The following TTC23L variants were observed in gnomAD, a reference collection of about 807,000 sequenced individuals.
The protein encoded by TTC23L is tetratricopeptide repeat domain 23 like, also known as tetratricopeptide repeat protein 23-like.
TTC23L carries 42 observed loss-of-function variants against 48.1 expected under a neutral mutation model. The observed-to-expected ratio is 0.87, with a 90% CI of 0.68 to 1.13. The LOEUF (loss-of-function observed/expected upper bound fraction) is 1.13, where lower values mean the gene tolerates loss of function less well. Among genes scored for constraint, TTC23L ranks in the 50% most tolerant of loss-of-function variants. TTC23L has a pLI of 0.00. For synonymous variants in TTC23L, 159 were observed against 157.2 expected, an observed-to-expected ratio of 1.01 and a Z score of -0.09; for missense variants, 391 against 421.0, an observed-to-expected ratio of 0.93 and a Z score of 0.62.
intron 9 of TTC23L, among the ~76,000 whole-genome samples, chr5:34,895,571 A>G (rs1021569731): frequency 3.3e-5 from 5 of 152,216 alleles, no homozygotes; most frequent in African/African-American, 1.2e-4. Context: ...CAACAGAAGG[A>G]GCAGGGAGAA....
downstream of TTC23L, among the ~76,000 whole-genome samples, chr5:34,900,488 G>A (rs1402484901): frequency 6.7e-6 from 1 of 149,866 alleles, no homozygotes; most frequent in African/African-American, 2.5e-5. Context: ...ATGAGAAAGT[G>A]AGACCCTGTT....
chr5:34,910,714 C>T, the TTC23L span, among the ~76,000 whole-genome samples: 11 of 152,288 alleles, frequency 7.2e-5, no homozygotes, highest in Admixed American at 2.6e-4. Context: ...AGGTGTCTGC[C>T]ACAGCACTTT....
intron 9 of TTC23L, among the ~76,000 whole-genome samples, 192 bp downstream of exon 9, chr5:34,880,500 A>G (rs1292958871): frequency 2.0e-5 from 3 of 152,202 alleles, no homozygotes; most frequent in Non-Finnish European, 4.4e-5. Context: ...TCTTTTGATG[A>G]AACTGAGCAA....
chr5:34,869,113 T>A, intron 8 of TTC23L, 100 bp downstream of exon 8: 1 of 983,900 alleles, frequency 1.0e-6, no homozygotes, highest in Non-Finnish European at 1.5e-6. Flanking sequence ...TTTATTCCTG[T>A]AATGGAAAAA....
the TTC23L span, chr5:34,915,734 GC>G: frequency 1.3e-6 from 2 of 1,597,450 alleles, no homozygotes; most frequent in African/African-American, 2.7e-5. Flanking sequence ...GGGCGGCGAG[GC>G]AAGATGGCGG....
chr5:34,897,583 A>C (rs1329978032), intron 10 of TTC23L, among the ~76,000 whole-genome samples: 1 of 152,064 alleles, frequency 6.6e-6, no homozygotes, highest in African/African-American at 2.4e-5. Flanking sequence ...TCAGCCTCTC[A>C]AAGTCCTGGG....
At chr5:34,923,830 G>A in the TTC23L span, among the ~76,000 whole-genome samples, 4 of 152,148 alleles carry the variant, frequency 2.6e-5, no homozygotes, top group African/African-American at 4.8e-5. Context: ...ACTATGTACT[G>A]TCTTATATCT....
the TTC23L span, among the ~76,000 whole-genome samples, chr5:34,924,320 C>G: frequency 6.6e-6 from 1 of 152,190 alleles, no homozygotes; most frequent in African/African-American, 2.4e-5. Flanking sequence ...ACACATCATC[C>G]TAACCTCTGA....
At chr5:34,841,430 CAA>C (rs369084905) in intron 2 of TTC23L, among the ~76,000 whole-genome samples, 228 of 152,294 alleles carry the variant, frequency 1.5e-3, no homozygotes, top group African/African-American at 5.4e-3. Context: ...GAGTATGAAT[CAA>C]AGAGATGTTA....
chr5:34,858,701 G>A (rs1760327020), intron 4 of TTC23L, among the ~76,000 whole-genome samples: 1 of 152,010 alleles, frequency 6.6e-6, no homozygotes, highest in South Asian at 2.1e-4. Context: ...AAATAGAGAA[G>A]TTTTGATTTC....
intron 9 of TTC23L, chr5:34,888,481 T>C (rs1580483983): frequency 1.1e-5 from 11 of 985,380 alleles, no homozygotes; most frequent in African/African-American, 1.7e-5. Flanking sequence ...TCTTTGTATA[T>C]GGAGGTGAAC....
At chr5:34,912,432 T>C in the TTC23L span, among the ~76,000 whole-genome samples, 1 of 152,108 alleles carries the variant, frequency 6.6e-6, no homozygotes. Flanking sequence ...AGAGCCACAG[T>C]GAGGAATGGA....
intron 10 of TTC23L, among the ~76,000 whole-genome samples, 178 bp from the exon 11 acceptor site, chr5:34,899,212 C>G (rs1002016681): frequency 2.0e-5 from 3 of 152,112 alleles, no homozygotes; most frequent in African/African-American, 4.8e-5. Flanking sequence ...GAAGAGCCAG[C>G]ATTTTGAGAG....
downstream of TTC23L, among the ~76,000 whole-genome samples, chr5:34,903,555 A>G (rs536990856): frequency 9.2e-5 from 14 of 152,322 alleles, 1 homozygote; most frequent in South Asian, 2.1e-3. Flanking sequence ...GAAAAATTAT[A>G]ATGACATATA....
the TTC23L span, chr5:34,915,009 G>A: frequency 8.8e-7 from 1 of 1,139,470 alleles, no homozygotes; most frequent in South Asian, 1.4e-5. Flanking sequence ...GCGAGGTCCG[G>A]CGAGCTCCAC....
downstream of TTC23L, among the ~76,000 whole-genome samples, chr5:34,902,763 A>G (rs1030949574): frequency 1.3e-5 from 2 of 152,034 alleles, no homozygotes; most frequent in Non-Finnish European, 2.9e-5. Flanking sequence ...ACCTGGCTGA[A>G]AGCAGCTATA....
At chr5:34,919,008 T>C in the TTC23L span, 1 of 151,368 alleles carries the variant, frequency 6.6e-6, no homozygotes, top group Non-Finnish European at 1.5e-5. Context: ...CCCAGCACTT[T>C]GGGAGGCCGA....
rs924930218 is a variant in TTC23L, at chr5:34,896,707, G to A, written c.1078-63G>A. The A allele has an allele frequency of 9.3e-6, 7 of 751,772 alleles. No individual in the cohort carries two copies. In the African/African-American group the frequency reaches 1.2e-4, roughly 13 times the overall value. The allele number at this position is 751,772 out of a possible 1,614,324, so 46.6% of individuals were successfully genotyped here. ...GCATTCTCAGTGCAATGAAAGGAGA[G>A]ACAATCTATGAGAATTGGAAAACAC... On this transcript the variant is annotated intron_variant, in intron 9 of 10. Transcript: ENST00000505624.
the TTC23L span, chr5:34,909,053 C>T: frequency 5.2e-6 from 6 of 1,143,076 alleles, no homozygotes; most frequent in Non-Finnish European, 7.5e-6. Flanking sequence ...AAATCAAGTA[C>T]TTATCCAATT....
Sources: allele counts gnomAD v4.1 joint callset (sites outside exome capture counted in the v4.1 genomes callset), GRCh38; gene constraint gnomAD v4.1.1; transcripts MANE v1.5; gene names NCBI Gene and HGNC (gene_info 2026-07-23, HGNC 2026-07-21).